SOX6: variants seen among roughly 807,000 people sequenced by gnomAD.
The protein encoded by SOX6 is transcription factor SOX-6.
A neutral mutation model predicts 97.8 loss-of-function variants in SOX6; 11 were observed. That is an observed-to-expected ratio of 0.11 (90% CI 0.07 to 0.19). SOX6 has a LOEUF of 0.19. Ranked by LOEUF, SOX6 falls within the 10% of genes least tolerant of loss-of-function variation. The pLI, the probability that SOX6 is intolerant of heterozygous loss-of-function variation, is 1.00. For missense variants in SOX6, 810 were observed against 1,039.5 expected (o/e 0.78, Z 3.04); for synonymous variants, 360 against 371.4 (o/e 0.97, Z 0.35).
rs1853188873 is a variant in SOX6, at chr11:15,967,944, G to A, written c.*4865C>T. On this transcript the variant is annotated 3_prime_UTR_variant, in exon 16 of 16. Coordinates refer to ENST00000683767, the MANE Select transcript of SOX6 (RefSeq NM_001367873.1). Reference sequence around the variant, plus strand: ...AAAGGTACCAGCATTCCAAATATTTGTTCATGAGCTTTTGGAAAGCAATCT... The same window carrying A: ...AAAGGTACCAGCATTCCAAATATTTATTCATGAGCTTTTGGAAAGCAATCT... 9.3e-6 allele frequency: 1 copy of A among 107,208 alleles called. No homozygotes were observed. The highest frequency in any genetic ancestry group is 3.7e-5 in the African/African-American group (1 of 27,330). 6.6% of individuals were successfully genotyped at this position (107,208 alleles called of 1,614,324 possible). A position where few individuals can be genotyped will look rare whatever the true frequency, so the allele number is the denominator to read the frequency against.
chr11:16,389,081 T>C (rs187637798), intron 1 of SOX6, among the ~76,000 whole-genome samples: 61 of 152,200 alleles, frequency 4.0e-4, no homozygotes, highest in Admixed American at 5.9e-4. Context: ...TGTTTTGTGG[T>C]TTTTTGTTTT....
intron 1 of SOX6, among the ~76,000 whole-genome samples, chr11:16,401,027 C>A (rs757812694): frequency 2.0e-5 from 3 of 151,422 alleles, no homozygotes; most frequent in Non-Finnish European, 3.0e-5. Flanking sequence ...TGCAGTCTTA[C>A]AATATTCTGC....
chr11:16,117,292 G>A (rs1311069570), intron 6 of SOX6, among the ~76,000 whole-genome samples: 2 of 150,710 alleles, frequency 1.3e-5, no homozygotes, highest in Non-Finnish European at 3.0e-5. Context: ...GGCAGAGGTT[G>A]CAGTGAGCCG....
intron 2 of SOX6, among the ~76,000 whole-genome samples, chr11:16,725,655 CAAG>C (rs1848301298): frequency 6.6e-6 from 1 of 151,994 alleles, no homozygotes; most frequent in Non-Finnish European, 1.5e-5. Context: ...GAGAGGAAAA[CAAG>C]GAGGAGGGAT....
At chr11:16,087,940 T>A (rs1025775679) in intron 9 of SOX6, among the ~76,000 whole-genome samples, 4 of 151,150 alleles carry the variant, frequency 2.6e-5, no homozygotes, top group Non-Finnish European at 4.4e-5. Flanking sequence ...TGCAGGGTGT[T>A]TAGCAGCATC....
intron 4 of SOX6, among the ~76,000 whole-genome samples, chr11:16,517,566 G>A (rs1472309024): frequency 1.1e-4 from 16 of 152,108 alleles, no homozygotes; most frequent in Admixed American, 8.5e-4. Flanking sequence ...TATGAGCTTA[G>A]GAAGAGCCAG....
intron 3 of SOX6, among the ~76,000 whole-genome samples, chr11:16,276,329 C>A (rs991926328): frequency 6.6e-5 from 10 of 152,148 alleles, no homozygotes; most frequent in Non-Finnish European, 1.5e-4. Flanking sequence ...CTGTAAGAGA[C>A]TAGGTTGGCA....
chr11:16,702,480 T>C (rs1016993610), intron 3 of SOX6, among the ~76,000 whole-genome samples: 2 of 152,164 alleles, frequency 1.3e-5, no homozygotes, highest in African/African-American at 4.8e-5. Context: ...TACCAGCAAG[T>C]AATGAGAATG....
At chr11:16,248,486 G>A (rs1420362876) in intron 3 of SOX6, among the ~76,000 whole-genome samples, 1 of 152,196 alleles carries the variant, frequency 6.6e-6, no homozygotes, top group Non-Finnish European at 1.5e-5. Flanking sequence ...CTGAAATCTA[G>A]GCAAAGGTTC....
In SOX6 at chr11:16,636,940, A is replaced by G. The variant is rs143204772; in HGVS notation, n.430-24680T>C. On this transcript the variant is annotated intron_variant and non_coding_transcript_variant, in intron 3 of 5. Transcript: ENST00000524520. ...TGAGTCAATTAAACCTCTTTCCTTT[A>G]TAAATTGCCCAGTCTTGGGTATGTC... 7.4e-3 allele frequency among the ~76,000 whole-genome samples: 1,126 copies of G among 152,264 alleles called. 14 individuals are homozygous for G. The highest frequency in any genetic ancestry group is 0.025 in the African/African-American group (1,018 of 41,550).
At position 16,462,957 on chromosome 11, in the gene SOX6, A is replaced by C. The variant is rs1360164957; in HGVS notation, c.-5+13358T>G. Among the ~76,000 whole-genome samples, 33 of 152,224 alleles carry C rather than the reference A, an allele frequency of 2.2e-4. 1 individual carries two copies. Among genetic ancestry groups the C allele is most frequent in the Non-Finnish European group, 1.5e-5 (1 of 68,044 alleles). On this transcript the variant is annotated intron_variant, in intron 1 of 15. Coordinates refer to the SOX6 transcript ENST00000396356. ...TTCTAGAGAGAACTATCACCATAAGATGGTTGCAATATTCCAATAGGATGA... is the reference window on the plus strand; with the variant it reads ...TTCTAGAGAGAACTATCACCATAAGCTGGTTGCAATATTCCAATAGGATGA...
chr11:16,213,691 T>C (rs1282008161), intron 4 of SOX6, among the ~76,000 whole-genome samples: 2 of 152,180 alleles, frequency 1.3e-5, no homozygotes, highest in African/African-American at 2.4e-5. Flanking sequence ...GTATATAAGT[T>C]ATGATCCATT....
intron 4 of SOX6, among the ~76,000 whole-genome samples, chr11:16,536,469 C>A (rs1285306093): frequency 2.6e-5 from 4 of 152,084 alleles, no homozygotes; most frequent in African/African-American, 9.7e-5. Context: ...TGGGTGCAGC[C>A]CATGGAGGGT....
intron 6 of SOX6, among the ~76,000 whole-genome samples, chr11:16,181,027 T>G (rs1166605243): frequency 1.3e-5 from 2 of 151,632 alleles, no homozygotes; most frequent in Non-Finnish European, 3.0e-5. Flanking sequence ...TGTGTCTGTG[T>G]GGGGTTGTTA....
Position 16,167,664 on chromosome 11 carries a change from G to C in SOX6, c.777+16222C>G, listed in dbSNP as rs536086113. The stretch of plus-strand genomic sequence containing the variant: ...CTAGCAAGCCCCCATCAGCTAGCAT[G>C]CTCTGCTGTTTCCTCTGCCCTGGAA... On this transcript the variant is annotated intron_variant, in intron 6 of 15. Transcript: ENST00000683767. Among the ~76,000 whole-genome samples, 201 of 152,284 alleles carry C rather than the reference G, an allele frequency of 1.3e-3. 1 individual carries two copies. The highest frequency in any genetic ancestry group is 4.7e-3 in the African/African-American group (196 of 41,570).
intron 4 of SOX6, among the ~76,000 whole-genome samples, chr11:16,595,182 T>G (rs1239202031): frequency 2.6e-5 from 4 of 152,144 alleles, no homozygotes; most frequent in Non-Finnish European, 5.9e-5. Context: ...ATGTAGAGAT[T>G]TCATCATTTT....
intron 3 of SOX6, among the ~76,000 whole-genome samples, chr11:16,276,013 A>G (rs1463864891): frequency 6.6e-6 from 1 of 152,208 alleles, no homozygotes; most frequent in Non-Finnish European, 1.5e-5. Context: ...CATTAAACTA[A>G]GTACTTTAAA....
chr11:16,680,728 G>A (rs1374643398), intron 3 of SOX6, among the ~76,000 whole-genome samples: 1 of 152,158 alleles, frequency 6.6e-6, no homozygotes, highest in African/African-American at 2.4e-5. Flanking sequence ...CATGTGCAGA[G>A]ACACACATAG....
At chr11:16,091,839 C>T (rs1449167554) in intron 9 of SOX6, among the ~76,000 whole-genome samples, 1 of 151,930 alleles carries the variant, frequency 6.6e-6, no homozygotes, top group African/African-American at 2.4e-5. Flanking sequence ...TTATACAATT[C>T]TTTCATTTAG....
Sources: gnomAD v4.1 joint callset for allele counts (sites outside exome capture counted in the v4.1 genomes callset) on GRCh38, gnomAD v4.1.1 for gene constraint, MANE v1.5 for transcripts, NCBI Gene and HGNC (gene_info 2026-07-23, HGNC 2026-07-21) for gene names.